RRAS2: variants seen among roughly 807,000 people sequenced by gnomAD.
RRAS2 encodes ras-related protein R-Ras2.
In RRAS2, 7 loss-of-function variants were observed where a neutral mutation model predicts 27.6. That is an observed-to-expected ratio of 0.25 (90% CI 0.14 to 0.48). The LOEUF is 0.48. Among genes scored for constraint, RRAS2 ranks in the 20% least tolerant of loss-of-function variants. The pLI, the probability that RRAS2 is intolerant of heterozygous loss-of-function variation, is 0.99. For synonymous variants in RRAS2, 86 were observed against 90.9 expected, an observed-to-expected ratio of 0.95 and a Z score of 0.31; for missense variants, 178 against 256.2, an observed-to-expected ratio of 0.69 and a Z score of 2.08.
chr11:14,341,762 A>C (rs1564979805), intron 1 of RRAS2: 1 of 451,528 alleles, frequency 2.2e-6, no homozygotes, highest in East Asian at 7.0e-5. Context: ...AATTAACTAT[A>C]AAATACCTCA....
chr11:14,281,812 C>A, intron 4 of RRAS2, 92 bp from the exon 5 acceptor site: 1 of 1,077,364 alleles, frequency 9.3e-7, no homozygotes, highest in Non-Finnish European at 1.4e-6. Context: ...ATAATTCAGC[C>A]AAGAGGCCAA....
chr11:14,288,452 GAC>G (rs1249267274), intron 4 of RRAS2, among the ~76,000 whole-genome samples: 7 of 152,238 alleles, frequency 4.6e-5, no homozygotes, highest in Admixed American at 1.3e-4. Flanking sequence ...AACAATAAAA[GAC>G]AAAAAGGACA....
At chr11:14,347,681 T>G (rs1848866038) in intron 1 of RRAS2, among the ~76,000 whole-genome samples, 1 of 152,052 alleles carries the variant, frequency 6.6e-6, no homozygotes, top group African/African-American at 2.4e-5. Flanking sequence ...TTAGGTACAG[T>G]GGCTCACACC....
chr11:14,357,666 T>C (rs1564986889), intron 1 of RRAS2, among the ~76,000 whole-genome samples: 1 of 152,164 alleles, frequency 6.6e-6, no homozygotes, highest in African/African-American at 2.4e-5. Context: ...AAACACTAAG[T>C]GAAATAAGCT....
At chr11:14,356,816 T>G (rs1382790042) in intron 1 of RRAS2, 2 of 439,852 alleles carry the variant, frequency 4.5e-6, no homozygotes, top group Admixed American at 5.1e-5. Context: ...TTTTTTTTTT[T>G]TTTGAGGCAG....
At chr11:14,294,229 T>A (rs899179057) in intron 4 of RRAS2, among the ~76,000 whole-genome samples, 1 of 152,242 alleles carries the variant, frequency 6.6e-6, no homozygotes, top group Non-Finnish European at 1.5e-5. Context: ...TAAAGTCTTA[T>A]AAAATTTTAT....
intron 1 of RRAS2, among the ~76,000 whole-genome samples, chr11:14,306,168 T>G (rs1351176299): frequency 1.3e-5 from 2 of 152,176 alleles, no homozygotes; most frequent in Non-Finnish European, 2.9e-5. Context: ...TTGAGTACCT[T>G]TTTGTGTGCT....
chr11:14,342,940 G>A (rs1848747348), intron 1 of RRAS2, among the ~76,000 whole-genome samples: 2 of 152,080 alleles, frequency 1.3e-5, no homozygotes, highest in East Asian at 1.9e-4. Flanking sequence ...GAGTAAAAAC[G>A]AAGAAAAGTC....
intron 1 of RRAS2, among the ~76,000 whole-genome samples, chr11:14,313,209 A>C (rs1848016637): frequency 6.6e-6 from 1 of 152,270 alleles, no homozygotes; most frequent in Non-Finnish European, 1.5e-5. Context: ...ACATGTTCAC[A>C]GAATTTAAGA....
intron 1 of RRAS2, among the ~76,000 whole-genome samples, chr11:14,318,866 C>G (rs1268750910): frequency 6.6e-6 from 1 of 152,206 alleles, no homozygotes; most frequent in East Asian, 1.9e-4. Flanking sequence ...GGAAACATAT[C>G]TGTATACTTT....
At chr11:14,322,379 G>T (rs1848246114) in intron 1 of RRAS2, among the ~76,000 whole-genome samples, 1 of 151,782 alleles carries the variant, frequency 6.6e-6, no homozygotes, top group South Asian at 2.1e-4. Context: ...GGTTGAGACT[G>T]CAGTGAGCTG....
At chr11:14,348,660 T>C (rs565048296) in intron 1 of RRAS2, among the ~76,000 whole-genome samples, 67 of 152,360 alleles carry the variant, frequency 4.4e-4, no homozygotes, top group African/African-American at 1.6e-3. Flanking sequence ...CTGGCTCCTG[T>C]GTCTCTTTCA....
At chr11:14,307,663 C>A (rs184652119) in intron 1 of RRAS2, among the ~76,000 whole-genome samples, 2 of 152,152 alleles carry the variant, frequency 1.3e-5, no homozygotes, top group Admixed American at 1.3e-4. Context: ...CTTTCTTTAA[C>A]CTGCCATACT....
intron 1 of RRAS2, among the ~76,000 whole-genome samples, chr11:14,315,905 AAG>A (rs1848090849): frequency 6.6e-6 from 1 of 152,226 alleles, no homozygotes; most frequent in South Asian, 2.1e-4. Flanking sequence ...ACTCAGAGGC[AAG>A]ATAAAGGGAG....
chr11:14,348,610 T>C (rs1401693590), intron 1 of RRAS2, among the ~76,000 whole-genome samples: 1 of 152,262 alleles, frequency 6.6e-6, no homozygotes, highest in Non-Finnish European at 1.5e-5. Context: ...ATTTCAATGA[T>C]TAAATTGCCC....
intron 2 of RRAS2, 152 bp from the exon 3 acceptor site, chr11:14,295,014 T>C: frequency 1.6e-6 from 1 of 618,448 alleles, no homozygotes; most frequent in Non-Finnish European, 2.8e-6. Flanking sequence ...TTCTTAATAC[T>C]AAAGGCAAAT....
At chr11:14,346,710 A>C (rs1393998059) in intron 1 of RRAS2, among the ~76,000 whole-genome samples, 1 of 152,224 alleles carries the variant, frequency 6.6e-6, no homozygotes, top group Non-Finnish European at 1.5e-5. Flanking sequence ...CTCTTGTAAA[A>C]AGCTGAGTGG....
At chr11:14,329,361 G>A (rs1035768697) in intron 1 of RRAS2, among the ~76,000 whole-genome samples, 12 of 152,060 alleles carry the variant, frequency 7.9e-5, no homozygotes, top group Non-Finnish European at 1.3e-4. Flanking sequence ...TGATCCACCC[G>A]CCTCAGCTTC....
chr11:14,307,184 T>G (rs1374179072), intron 1 of RRAS2, among the ~76,000 whole-genome samples: 1 of 147,756 alleles, frequency 6.8e-6, no homozygotes, highest in African/African-American at 2.5e-5. Flanking sequence ...GAGGAGACCC[T>G]GCCCCCTCCC....
Sources: gnomAD v4.1 joint callset for allele counts (sites outside exome capture counted in the v4.1 genomes callset) on GRCh38, gnomAD v4.1.1 for gene constraint, MANE v1.5 for transcripts, NCBI Gene and HGNC (gene_info 2026-07-23, HGNC 2026-07-21) for gene names.